The following TMBIM6 variants were observed in gnomAD, a reference collection of about 807,000 sequenced individuals.
TMBIM6 encodes the protein bax inhibitor 1.
Under a neutral mutation model 31.4 loss-of-function variants are expected in TMBIM6, and 13 were observed. That is an observed-to-expected ratio of 0.41 (90% CI 0.27 to 0.66). The LOEUF (loss-of-function observed/expected upper bound fraction) is 0.66, where lower values mean the gene tolerates loss of function less well. Ranked by LOEUF, TMBIM6 falls within the 30% of genes least tolerant of loss-of-function variation. The pLI is 0.28. For synonymous variants in TMBIM6, 85 were observed against 101.7 expected, an observed-to-expected ratio of 0.84 and a Z score of 0.99; for missense variants, 275 against 289.5, an observed-to-expected ratio of 0.95 and a Z score of 0.36.
intron 4 of TMBIM6, among the ~76,000 whole-genome samples, chr12:49,757,692 G>C (rs1445004687): frequency 6.6e-6 from 1 of 152,152 alleles, no homozygotes; most frequent in Non-Finnish European, 1.5e-5. Context: ...ATTAAGGGGT[G>C]GAATTATCAG....
chr12:49,751,588 T>C (rs1339567103), intron 1 of TMBIM6, among the ~76,000 whole-genome samples: 1 of 152,026 alleles, frequency 6.6e-6, no homozygotes, highest in East Asian at 1.9e-4. Context: ...TTTTTTAAAA[T>C]TGTGAGTCCT....
rs779238515 is a variant in TMBIM6 at position 49,753,053 on chromosome 12, A to T, written c.137A>T (p.Tyr46Phe). 4 of 1,613,920 alleles carry T rather than the reference A, an allele frequency of 2.5e-6. No individual in the cohort carries two copies. The African/African-American group carries it at 4.0e-5, about 16-fold the overall frequency. ...LCMFVAAAGA[Y>F]VHMVTHFIQA... ...ATGTTTGTGGCGGCTGCAGGGGCCT[A>T]TGTCCATATGGTCACTCATTTCATT... Residue 46 changes from tyrosine (Y) to phenylalanine (F), a missense_variant, in exon 3 of 10, where the codon TAT (tyrosine) becomes TTT (phenylalanine). Coordinates refer to ENST00000267115, the MANE Select transcript of TMBIM6 (RefSeq NM_003217.3).
At chr12:49,755,805 A>G (rs758508815) in intron 4 of TMBIM6, 50 bp downstream of exon 4, 5 of 1,559,194 alleles carry the variant, frequency 3.2e-6, no homozygotes, top group Non-Finnish European at 4.4e-6. Flanking sequence ...TATTTTCAGT[A>G]TCTCTTAATT....
At chr12:49,761,834 G>A (rs1052666096) in intron 9 of TMBIM6, 55 bp downstream of exon 9, 22 of 1,564,456 alleles carry the variant, frequency 1.4e-5, no homozygotes, top group Admixed American at 1.2e-4. Context: ...AGCTTGGCAT[G>A]TGTGTATACT....
intron 1 of TMBIM6, among the ~76,000 whole-genome samples, chr12:49,750,215 T>TC (rs1431126645): frequency 6.6e-6 from 1 of 152,120 alleles, no homozygotes; most frequent in East Asian, 1.9e-4. Context: ...TCTGCCATTC[T>TC]CCCCTCGAAC....
intron 4 of TMBIM6, among the ~76,000 whole-genome samples, chr12:49,756,380 C>T (rs1489604456): frequency 6.6e-6 from 1 of 150,690 alleles, no homozygotes; most frequent in African/African-American, 2.4e-5. Context: ...GTGATCCACC[C>T]ACCTTAGCCT....
At chr12:49,742,584 C>T (rs187657384) in intron 1 of TMBIM6, 62 of 252,296 alleles carry the variant, frequency 2.5e-4, no homozygotes, top group Admixed American at 1.6e-3. Context: ...GTGCTTGAAA[C>T]AGACAAGGAT....
intron 1 of TMBIM6, among the ~76,000 whole-genome samples, 164 bp from the exon 2 acceptor site, chr12:49,752,300 A>T (rs191588584): frequency 6.6e-6 from 1 of 152,164 alleles, no homozygotes; most frequent in African/African-American, 2.4e-5. Context: ...TATGATTGCA[A>T]ATATATTGTA....
intron 1 of TMBIM6, among the ~76,000 whole-genome samples, chr12:49,746,105 C>CT (rs969972565): frequency 6.8e-6 from 1 of 148,098 alleles, no homozygotes; most frequent in African/African-American, 2.5e-5. Context: ...TTTTTTGAGA[C>CT]AGAGTCTCAC....
In TMBIM6 at chr12:49,758,101, G is replaced by T. The variant is rs978856764; in HGVS notation, c.287-126G>T. 7.2e-6 allele frequency: 7 copies of T among 976,898 alleles called. No individual in the cohort carries two copies. The Admixed American group carries it at 8.5e-5, about 12-fold the overall frequency. The allele number at this position is 976,898 out of a possible 1,614,324, so 60.5% of individuals were successfully genotyped here. Reference sequence around the variant, plus strand: ...AAACAATTACAGCGGAGGGGAGAGAGATTTAATTCTTTAGTCCACGTTTGT... The same window carrying T: ...AAACAATTACAGCGGAGGGGAGAGATATTTAATTCTTTAGTCCACGTTTGT... On this transcript the variant is annotated intron_variant, in intron 4 of 9. Transcript: ENST00000267115.
intron 1 of TMBIM6, chr12:49,742,365 T>C: frequency 1.3e-6 from 2 of 1,485,084 alleles, no homozygotes; most frequent in Non-Finnish European, 9.0e-7. Context: ...TGGGCAGTTT[T>C]TATCTTGGGC....
At chr12:49,744,720 G>A (rs527717814) in intron 1 of TMBIM6, among the ~76,000 whole-genome samples, 2 of 152,322 alleles carry the variant, frequency 1.3e-5, no homozygotes, top group South Asian at 4.1e-4. Flanking sequence ...CAATTAACTG[G>A]AATCCAAAAC....
chr12:49,762,794 AAC>A, intron 9 of TMBIM6, 77 bp from the exon 10 acceptor site: 1 of 1,365,056 alleles, frequency 7.3e-7, no homozygotes, highest in Non-Finnish European at 1.0e-6. Context: ...TCTAGTCCCT[AAC>A]TAAATGCTCA....
At chr12:49,757,946 G>A (rs1423685916) in intron 4 of TMBIM6, among the ~76,000 whole-genome samples, 5 of 151,760 alleles carry the variant, frequency 3.3e-5, no homozygotes, top group Non-Finnish European at 7.4e-5. Context: ...TGTTTGGCAT[G>A]CCTACTTTAT....
rs1945780289 is a variant in TMBIM6, at chr12:49,764,570, ACT to A, written c.*1678_*1679del. On this transcript the variant is annotated 3_prime_UTR_variant, in exon 10 of 10. Coordinates refer to ENST00000267115, the MANE Select transcript of TMBIM6 (RefSeq NM_003217.3). Reference sequence around the variant, plus strand: ...CTTCCTTCCTGTTAAACCCCTGTTAACTCTCCATAAATTTGGTGATTCTCTGC... The same window carrying A: ...CTTCCTTCCTGTTAAACCCCTGTTAACTCCATAAATTTGGTGATTCTCTGC... 6.6e-6 allele frequency: 1 copy of A among 152,396 alleles called. No individual in the cohort carries two copies. The highest frequency in any genetic ancestry group is 6.6e-5 in the Admixed American group (1 of 15,242). The allele number at this position is 152,396 out of a possible 1,614,324, so 9.4% of individuals were successfully genotyped here.
intron 7 of TMBIM6, 120 bp downstream of exon 7, chr12:49,758,882 T>C: frequency 1.2e-6 from 1 of 852,990 alleles, no homozygotes; most frequent in Non-Finnish European, 1.8e-6. Context: ...AGCCTTCCCA[T>C]TATCCTTCAT....
chr12:49,763,995 G>T lies in TMBIM6; in HGVS notation c.*1099G>T, dbSNP rs544116927. Reference sequence around the variant, plus strand: ...GTCTCCAACTGGACACCAGTAGGTAGTGTCAAGCCAGAGATTCGGGGCAGT... The same window carrying T: ...GTCTCCAACTGGACACCAGTAGGTATTGTCAAGCCAGAGATTCGGGGCAGT... On this transcript the variant is annotated 3_prime_UTR_variant, in exon 10 of 10. Transcript: ENST00000267115. The T allele has an allele frequency of 6.6e-6, 1 of 152,348 alleles. No individual in the cohort carries two copies. Among genetic ancestry groups the T allele is most frequent in the South Asian group, 2.1e-4 (1 of 4,826 alleles). The allele number at this position is 152,348 out of a possible 1,614,324, so 9.4% of individuals were successfully genotyped here.
chr12:49,751,921 C>T (rs900606131), intron 1 of TMBIM6, among the ~76,000 whole-genome samples: 1 of 151,822 alleles, frequency 6.6e-6, no homozygotes, highest in Admixed American at 6.6e-5. Flanking sequence ...TGCCAACACA[C>T]CCAGCTAATT....
intron 1 of TMBIM6, among the ~76,000 whole-genome samples, chr12:49,744,909 G>C (rs1031858257): frequency 2.0e-5 from 3 of 152,154 alleles, no homozygotes; most frequent in African/African-American, 7.2e-5. Context: ...TCTGTCAAAC[G>C]TTATAGAGAG....
Sources: gnomAD v4.1 joint callset for allele counts (sites outside exome capture counted in the v4.1 genomes callset) on GRCh38, gnomAD v4.1.1 for gene constraint, MANE v1.5 for transcripts, NCBI Gene and HGNC (gene_info 2026-07-23, HGNC 2026-07-21) for gene names.